CLTC: variants seen among roughly 807,000 people sequenced by gnomAD.
The protein encoded by CLTC is clathrin heavy chain, also known as clathrin heavy chain 1.
In CLTC, 16 loss-of-function variants were observed where a neutral mutation model predicts 195.8. That is an observed-to-expected ratio of 0.08 (90% CI 0.06 to 0.12). The LOEUF is 0.12. CLTC is among the 10% of genes least tolerant of loss of function. The pLI, the probability that CLTC is intolerant of heterozygous loss-of-function variation, is 1.00. For synonymous variants in CLTC, 667 were observed against 689.4 expected (o/e 0.97, Z 0.51); for missense variants, 796 against 2,027.0 (o/e 0.39, Z 11.66).
chr17:59,656,648 T>C (rs1344005392), intron 6 of CLTC, among the ~76,000 whole-genome samples: 2 of 150,856 alleles, frequency 1.3e-5, no homozygotes, highest in African/African-American at 4.9e-5. Context: ...ATTCTTTATC[T>C]GTCATCTTAT....
rs779481876 is a variant in CLTC, at chr17:59,682,858, C to G, written c.3766-49C>G. ...GCTATTTAAACATTAGTTTAAATAA[C>G]TAGCCATGTTTTACATTTGAGTTCA... On this transcript the variant is annotated intron_variant, in intron 23 of 31. Coordinates refer to ENST00000269122, the MANE Select transcript of CLTC (RefSeq NM_004859.4). The surrounding 1 kb of genome is among the most constrained non-coding windows in gnomAD (Gnocchi z 6.8). The G allele has an allele frequency of 9.9e-6, 16 of 1,610,896 alleles. No individual in the cohort carries two copies. The highest frequency in any genetic ancestry group is 1.7e-5 in the Admixed American group (1 of 59,684).
At chr17:59,664,550 CAAAAA>C (rs57413220) in intron 9 of CLTC, 467 of 224,036 alleles carry the variant, frequency 2.1e-3, no homozygotes, top group Middle Eastern at 4.2e-3. Flanking sequence ...GACCCTGTCT[CAAAAA>C]AAAAAAAAAA....
rs867291008 is a variant in CLTC at position 59,653,191 on chromosome 17, A to T, written c.795+1875A>T. Among the ~76,000 whole-genome samples the T allele has an allele frequency of 1.5e-3, 221 of 147,896 alleles. 1 individual carries two copies. Among genetic ancestry groups the T allele is most frequent in the Non-Finnish European group, 2.0e-3 (136 of 67,500 alleles). ...TATTTGTTTATTTATTTATTTATTT[A>T]TTTTATTTATTTTTTTTTTTGAGAC... On this transcript the variant is annotated intron_variant, in intron 5 of 31. Transcript: ENST00000269122.
chr17:59,649,238 G>A (rs2032269628), intron 4 of CLTC, among the ~76,000 whole-genome samples: 1 of 152,216 alleles, frequency 6.6e-6, no homozygotes, highest in African/African-American at 2.4e-5. Flanking sequence ...AATGGAAAAT[G>A]AGCAGTGGTC....
chr17:59,668,670 C>A, intron 13 of CLTC, 107 bp from the exon 14 acceptor site: 1 of 921,988 alleles, frequency 1.1e-6, no homozygotes, highest in East Asian at 2.8e-5. Flanking sequence ...AAGCAACCAA[C>A]TTATATTTGG....
At chr17:59,624,054 G>C (rs2031467373) in intron 1 of CLTC, among the ~76,000 whole-genome samples, 1 of 152,178 alleles carries the variant, frequency 6.6e-6, no homozygotes. Flanking sequence ...AATACTGTCT[G>C]TCTTGGAAAG....
intron 30 of CLTC, among the ~76,000 whole-genome samples, chr17:59,687,307 T>C (rs1300519389): frequency 2.0e-5 from 3 of 152,250 alleles, no homozygotes; most frequent in South Asian, 4.1e-4. Flanking sequence ...TATGGTGAGT[T>C]TCCATATTAA....
At chr17:59,691,904 A>G (rs558984972) in intron 31 of CLTC, among the ~76,000 whole-genome samples, 7 of 152,204 alleles carry the variant, frequency 4.6e-5, no homozygotes, top group Non-Finnish European at 8.8e-5. Flanking sequence ...AGATGGGTGT[A>G]ATACTTTGGG....
intron 4 of CLTC, among the ~76,000 whole-genome samples, chr17:59,650,811 T>C (rs1012305447): frequency 2.0e-5 from 3 of 152,152 alleles, no homozygotes; most frequent in Admixed American, 6.5e-5. Context: ...CATTTTATCA[T>C]GAGTAGATAA....
In CLTC at chr17:59,666,441, G is replaced by T. The variant is rs1210570789; in HGVS notation, c.1783-39G>T. On this transcript the variant is annotated intron_variant, in intron 11 of 31. Transcript: ENST00000269122. The surrounding 1 kb of genome is among the most constrained non-coding windows in gnomAD (Gnocchi z 4.9). The stretch of plus-strand genomic sequence containing the variant: ...CGGATATTGAATTACTCATGTAAGT[G>T]GAGTGGACAATAAACTTGCCTTGTT... 6 of 1,601,230 alleles carry T rather than the reference G, an allele frequency of 3.7e-6. No homozygotes were observed. Among genetic ancestry groups the T allele is most frequent in the Non-Finnish European group, 5.1e-6 (6 of 1,171,330 alleles).
At position 59,695,878 on chromosome 17, in the gene CLTC, G is replaced by A. The variant is rs541272506; in HGVS notation, c.*2026G>A. ...GTATTATGAAAACATTGACTCTGTG[G>A]AGACCCTGTGGGTTCTGCAGAGTAT... is the stretch of plus-strand genomic sequence containing the variant. On this transcript the variant is annotated 3_prime_UTR_variant, in exon 32 of 32. Transcript: ENST00000269122. 1.0e-5 allele frequency: 2 copies of A among 197,856 alleles called. No individual in the cohort carries two copies. Among genetic ancestry groups the A allele is most frequent in the South Asian group, 3.8e-4 (2 of 5,218 alleles). 12.3% of individuals were successfully genotyped at this position (197,856 alleles called of 1,614,324 possible). A position where few individuals can be genotyped will look rare whatever the true frequency, so the allele number is the denominator to read the frequency against.
At chr17:59,627,172 A>C (rs2031578146) in intron 1 of CLTC, among the ~76,000 whole-genome samples, 2 of 152,232 alleles carry the variant, frequency 1.3e-5, no homozygotes, top group African/African-American at 4.8e-5. Flanking sequence ...AAGTGCTGAA[A>C]TTACAAGTGT....
chr17:59,625,614 G>A (rs1239776208), intron 1 of CLTC, among the ~76,000 whole-genome samples: 1 of 152,078 alleles, frequency 6.6e-6, no homozygotes, highest in African/African-American at 2.4e-5. Context: ...AGGAATTCAA[G>A]ACCAGCCTGG....
In CLTC at chr17:59,670,232, C is replaced by CA. The variant is rs1453148684; in HGVS notation, c.2292+1300dup. Among the ~76,000 whole-genome samples, 22 of 150,734 alleles carry CA rather than the reference C, an allele frequency of 1.5e-4. No individual in the cohort carries two copies. The East Asian group carries it at 3.5e-3, about 24-fold the overall frequency. ...CTATTTCCTTTAAAAAAAACAACAA[C>CA]AAAAAAAACTACTACTAGATTCTTT... On this transcript the variant is annotated intron_variant, in intron 14 of 31. Coordinates refer to ENST00000269122, the MANE Select transcript of CLTC (RefSeq NM_004859.4).
At chr17:59,687,999 C>A (rs1252225310) in intron 30 of CLTC, among the ~76,000 whole-genome samples, 1 of 152,090 alleles carries the variant, frequency 6.6e-6, no homozygotes, top group Non-Finnish European at 1.5e-5. Context: ...TATGTTGAAC[C>A]AAACTGGAAT....
chr17:59,638,967 G>A (rs2031950927), intron 1 of CLTC, among the ~76,000 whole-genome samples: 1 of 152,204 alleles, frequency 6.6e-6, no homozygotes, highest in Non-Finnish European at 1.5e-5. Flanking sequence ...TTTGTAACAT[G>A]TAACTCCAGG....
In CLTC at chr17:59,683,811, G is replaced by A. The variant is rs565286702; in HGVS notation, c.4323+55G>A. ...ATAGCAAGGAATTAGGACATACTTC[G>A]ATAACTTTTGTCCCTGGGACTTCAA... On this transcript the variant is annotated intron_variant, in intron 27 of 31. Transcript: ENST00000269122. The surrounding 1 kb of genome is among the most constrained non-coding windows in gnomAD (Gnocchi z 6.1). The A allele has an allele frequency of 4.3e-6, 7 of 1,612,136 alleles. No homozygotes were observed. The highest frequency in any genetic ancestry group is 4.5e-5 in the East Asian group (2 of 44,832).
intron 4 of CLTC, among the ~76,000 whole-genome samples, chr17:59,650,316 A>C (rs1464329342): frequency 6.6e-6 from 1 of 152,132 alleles, no homozygotes; most frequent in Non-Finnish European, 1.5e-5. Context: ...GTTTTAGTGT[A>C]TATGTATAGG....
chr17:59,641,869 G>A (rs1480201522), intron 1 of CLTC, among the ~76,000 whole-genome samples: 1 of 151,818 alleles, frequency 6.6e-6, no homozygotes, highest in Non-Finnish European at 1.5e-5. Context: ...TAAAGTTTTT[G>A]CAGAGATGGG....
Sources: gnomAD v4.1 joint callset for allele counts (sites outside exome capture counted in the v4.1 genomes callset) on GRCh38, gnomAD v4.1.1 for gene constraint, Gnocchi (gnomAD v3.1) non-coding constraint, MANE v1.5 for transcripts, NCBI Gene and HGNC (gene_info 2026-07-23, HGNC 2026-07-21) for gene names.